Variants in LRP2 observed in about 807,000 individuals in gnomAD.
LRP2 encodes low-density lipoprotein receptor-related protein 2.
In LRP2, 172 loss-of-function variants were observed where a neutral mutation model predicts 531.0. That is an observed-to-expected ratio of 0.32 (90% confidence interval 0.29 to 0.37). The LOEUF (loss-of-function observed/expected upper bound fraction) is 0.37, where lower values mean the gene tolerates loss of function less well. Among genes scored for constraint, LRP2 ranks in the 10% least tolerant of loss-of-function variants. The probability of loss-of-function intolerance (pLI) is 1.00; values close to 1 mark genes in which losing one functional copy is unlikely to be tolerated. For synonymous variants in LRP2, 1,992 were observed against 2,027.6 expected, an observed-to-expected ratio of 0.98 and a Z score of 0.47; for missense variants, 5,167 against 5,868.3, an observed-to-expected ratio of 0.88 and a Z score of 3.90.
At chr2:169,187,876 T>TAA in intron 49 of LRP2, 94 bp downstream of exon 49, 1 of 1,324,926 alleles carries the variant, frequency 7.5e-7, no homozygotes, top group South Asian at 1.2e-5. Context: ...ACTTTGTAGT[T>TAA]AGAGGACAGG....
At chr2:169,305,056 C>T (rs939166177) in intron 4 of LRP2, among the ~76,000 whole-genome samples, 2 of 152,008 alleles carry the variant, frequency 1.3e-5, no homozygotes, top group Non-Finnish European at 2.9e-5. Flanking sequence ...ACACATGTAT[C>T]CCAGAACTTA....
In LRP2 at chr2:169,186,027, T is replaced by TA; in HGVS notation, c.9329-9dup. ...CATGGCATTCATTAATGCCTGTAGG[T>TA]AAAAAGCAGTTCTTAGAGATCCTAA... is the stretch of plus-strand genomic sequence containing the variant. On this transcript the variant is annotated splice_polypyrimidine_tract_variant and intron_variant, in intron 49 of 78. Transcript: ENST00000649046. The TA allele has an allele frequency of 6.2e-7, 1 of 1,612,416 alleles. No individual in the cohort carries two copies. Among genetic ancestry groups the TA allele is most frequent in the Non-Finnish European group, 8.5e-7 (1 of 1,179,696 alleles).
chr2:169,361,437 CCA>C (rs1686160428), intron 1 of LRP2, among the ~76,000 whole-genome samples: 1 of 151,114 alleles, frequency 6.6e-6, no homozygotes, highest in Admixed American at 6.6e-5. Flanking sequence ...TTCTCCCGCC[CCA>C]GTCGTTCTCT....
At chr2:169,357,396 A>G (rs1384715339) in intron 1 of LRP2, among the ~76,000 whole-genome samples, 2 of 151,158 alleles carry the variant, frequency 1.3e-5, no homozygotes, top group East Asian at 3.9e-4. Context: ...CAGTGGCACA[A>G]TCTCAGCTCA....
At chr2:169,291,890 C>T (rs1342702459) in intron 7 of LRP2, among the ~76,000 whole-genome samples, 1 of 152,170 alleles carries the variant, frequency 6.6e-6, no homozygotes, top group Non-Finnish European at 1.5e-5. Context: ...TCCCTATTTT[C>T]TTTCCTTCCC....
chr2:169,290,185 A>C lies in LRP2; in HGVS notation c.922+660T>G, dbSNP rs554022350. Among the ~76,000 whole-genome samples, 3 of 151,976 alleles carry C rather than the reference A, an allele frequency of 2.0e-5. No homozygotes were observed. In the East Asian group the frequency reaches 5.8e-4, roughly 29 times the overall value. On this transcript the variant is annotated intron_variant, in intron 8 of 78. Coordinates refer to ENST00000649046, the MANE Select transcript of LRP2 (RefSeq NM_004525.3). ...AAATGAATGTGGTCACACAAGACAT[A>C]ATCGAACAACACTGTGCATGGCCAA...
intron 35 of LRP2, among the ~76,000 whole-genome samples, chr2:169,215,011 C>G (rs945130278): frequency 6.6e-6 from 1 of 152,194 alleles, no homozygotes; most frequent in South Asian, 2.1e-4. Flanking sequence ...ACACCACTAA[C>G]AAGCACGTAG....
chr2:169,335,992 G>T (rs957155484), intron 1 of LRP2, among the ~76,000 whole-genome samples: 3 of 149,186 alleles, frequency 2.0e-5, no homozygotes, highest in African/African-American at 5.0e-5. Flanking sequence ...TCCAGCCTGG[G>T]TGACTAAGTG....
chr2:169,256,213 T>A lies in LRP2; in HGVS notation c.2663A>T (p.Asp888Val). 3 of 1,612,882 alleles carry A rather than the reference T, an allele frequency of 1.9e-6. No homozygotes were observed. The highest frequency in any genetic ancestry group is 2.5e-6 in the Non-Finnish European group (3 of 1,179,074). The change falls in exon 19 of 79, where the codon GAT becomes GTT. Residue 888 changes from aspartate to valine, a missense_variant. Transcript: ENST00000649046. ...DWAASRLYWVDAYFDKIEHST... is the reference protein window; with the variant it reads ...DWAASRLYWVVAYFDKIEHST... ...GTGCTCAATTTTATCAAAATAGGCATCTACCCAGTACAATCGTGAAGCACT... is the reference window on the plus strand; with the variant it reads ...GTGCTCAATTTTATCAAAATAGGCAACTACCCAGTACAATCGTGAAGCACT...
rs2105334637 is a variant in LRP2, at chr2:169,137,376, C to T, written c.13620+16G>A. On this transcript the variant is annotated intron_variant, in intron 76 of 78. Transcript: ENST00000649046. The stretch of plus-strand genomic sequence containing the variant: ...CGACAGCAGTAACTGAAAGAAAAGA[C>T]TGTATGGTTTCTCACCTGGATTGGC... The T allele has an allele frequency of 6.4e-7, 1 of 1,552,878 alleles. No homozygotes were observed. The highest frequency in any genetic ancestry group is 8.9e-7 in the Non-Finnish European group (1 of 1,124,272).
chr2:169,317,726 T>C (rs972981164), intron 3 of LRP2, among the ~76,000 whole-genome samples: 18 of 152,230 alleles, frequency 1.2e-4, no homozygotes, highest in Non-Finnish European at 2.4e-4. Context: ...ATACATGTGA[T>C]AGACAAATTG....
chr2:169,306,177 T>C (rs905082848), intron 4 of LRP2, among the ~76,000 whole-genome samples: 6 of 151,664 alleles, frequency 4.0e-5, no homozygotes, highest in Admixed American at 3.3e-4. Context: ...AAAATATATA[T>C]ATATTAAAAA....
intron 3 of LRP2, among the ~76,000 whole-genome samples, chr2:169,309,191 G>A (rs1023841876): frequency 4.6e-5 from 7 of 152,058 alleles, no homozygotes; most frequent in Non-Finnish European, 1.0e-4. Flanking sequence ...CACTCTGATG[G>A]TAGTTTCTAT....
chr2:169,186,497 T>TAACA (rs1226125310), intron 49 of LRP2, among the ~76,000 whole-genome samples: 1 of 152,178 alleles, frequency 6.6e-6, no homozygotes, highest in Non-Finnish European at 1.5e-5. Flanking sequence ...GCTGGTCCTG[T>TAACA]AACACATGGG....
At position 169,320,763 on chromosome 2, in the gene LRP2, C is replaced by T; in HGVS notation, c.187+14G>A. ...TACTCAAAATAGAACTTAGCCTGGC[C>T]CCTCCTCACTTACCGCAGCCAATTT... On this transcript the variant is annotated intron_variant, in intron 2 of 78. Transcript: ENST00000649046. 1 of 1,603,582 alleles carries T rather than the reference C, an allele frequency of 6.2e-7. No individual in the cohort carries two copies. Among genetic ancestry groups the T allele is most frequent in the Non-Finnish European group, 8.5e-7 (1 of 1,170,362 alleles).
intron 14 of LRP2, 90 bp from the exon 15 acceptor site, chr2:169,273,157 G>T: frequency 6.9e-7 from 1 of 1,444,610 alleles, no homozygotes. Flanking sequence ...TTCACCTATA[G>T]GTGAAATAGA....
intron 12 of LRP2, 145 bp from the exon 13 acceptor site, chr2:169,278,096 T>G (rs1009163829): frequency 2.4e-5 from 11 of 449,280 alleles, no homozygotes; most frequent in East Asian, 8.2e-5. Flanking sequence ...AATTAAGTTG[T>G]TTTTTTTTTT....
intron 43 of LRP2, among the ~76,000 whole-genome samples, chr2:169,202,554 T>C (rs1002357966): frequency 1.3e-5 from 2 of 152,208 alleles, no homozygotes; most frequent in Non-Finnish European, 2.9e-5. Context: ...ATCACCAGGA[T>C]GATGATTGTG....
chr2:169,257,825 C>CAAAAAAAAAAAAAAAAAAAAAAAAAAAAA (rs74268259), intron 17 of LRP2, among the ~76,000 whole-genome samples: 1 of 132,358 alleles, frequency 7.6e-6, no homozygotes, highest in Non-Finnish European at 1.6e-5. Flanking sequence ...AAAACAAAAA[C>CAAAAAAAAAAAAAAAAAAAAAAAAAAAAA]AAAAAAAAAA....
Sources: allele counts gnomAD v4.1 joint callset (sites outside exome capture counted in the v4.1 genomes callset), GRCh38; gene constraint gnomAD v4.1.1; transcripts MANE v1.5; gene names NCBI Gene and HGNC (gene_info 2026-07-23, HGNC 2026-07-21).